The following CELF2 variants were observed in gnomAD, a reference collection of about 807,000 sequenced individuals.
CELF2 encodes CUG triplet repeat RNA-binding protein 2.
Under a neutral mutation model 62.6 loss-of-function variants are expected in CELF2, and 8 were observed. The ratio of observed to expected loss-of-function variants is 0.13; its 90% CI spans 0.07 to 0.23. The LOEUF (loss-of-function observed/expected upper bound fraction) is 0.23. Among genes scored for constraint, CELF2 ranks in the 10% least tolerant of loss-of-function variants. The probability of loss-of-function intolerance (pLI) is 1.00; values close to 1 mark genes in which losing one functional copy is unlikely to be tolerated. For synonymous variants in CELF2, 258 were observed against 250.0 expected (o/e 1.03, Z -0.30); for missense variants, 333 against 671.0 (o/e 0.50, Z 5.56).
chr10:10,793,110 G>C, the CELF2 span, among the ~76,000 whole-genome samples: 1 of 152,174 alleles, frequency 6.6e-6, no homozygotes, highest in Non-Finnish European at 1.5e-5. Context: ...AGGTTTTGTA[G>C]CTGTCTCTTT....
At chr10:11,194,485 A>T (rs1312549720) in intron 2 of CELF2, among the ~76,000 whole-genome samples, 1 of 152,212 alleles carries the variant, frequency 6.6e-6, no homozygotes, top group Admixed American at 6.5e-5. Flanking sequence ...GCATTCATAC[A>T]GTCCCCTAGA....
At chr10:11,168,330 T>C (rs1028111712) in intron 2 of CELF2, among the ~76,000 whole-genome samples, 1 of 152,172 alleles carries the variant, frequency 6.6e-6, no homozygotes, top group Non-Finnish European at 1.5e-5. Context: ...TGAAAGAGCT[T>C]TTGTTATACA....
chr10:10,835,382 G>T (rs1375153898), intron 1 of CELF2, among the ~76,000 whole-genome samples: 3 of 104,748 alleles, frequency 2.9e-5, no homozygotes, highest in African/African-American at 9.2e-5. Context: ...CCAGCAGATT[G>T]ATTTTTTTTT....
At chr10:10,499,489 C>T in the CELF2 span, among the ~76,000 whole-genome samples, 14 of 152,146 alleles carry the variant, frequency 9.2e-5, no homozygotes, top group Non-Finnish European at 1.5e-4. Flanking sequence ...GTTAAGTTCG[C>T]TTAGGAGTTA....
chr10:10,596,867 T>G, the CELF2 span, among the ~76,000 whole-genome samples: 1 of 152,234 alleles, frequency 6.6e-6, no homozygotes, highest in Non-Finnish European at 1.5e-5. Context: ...TTGCTGTGAA[T>G]GGAGACAGAT....
chr10:11,314,866 G>T lies in CELF2; in HGVS notation c.1096+608G>T. On this transcript the variant is annotated intron_variant, in intron 10 of 12. Transcript: ENST00000633077. The surrounding 1 kb of genome is among the most constrained non-coding windows in gnomAD (Gnocchi z 5.3). ...GCCACTGCTGGCAGTGACATGATCA[G>T]AATCTTTATTAAGCACCCACAGGTA... is the stretch of plus-strand genomic sequence containing the variant. 5.7e-6 allele frequency: 1 copy of T among 174,504 alleles called. No homozygotes were observed. The highest frequency in any genetic ancestry group is 1.2e-5 in the Non-Finnish European group (1 of 82,160). The allele number at this position is 174,504 out of a possible 1,614,324, so 10.8% of individuals were successfully genotyped here.
chr10:10,954,223 AT>A, intron 2 of CELF2, among the ~76,000 whole-genome samples: 1 of 72,404 alleles, frequency 1.4e-5, no homozygotes, highest in South Asian at 7.2e-4. Context: ...TATTATTATT[AT>A]TATTATTATT....
chr10:10,645,493 A>G, the CELF2 span, among the ~76,000 whole-genome samples: 2 of 152,066 alleles, frequency 1.3e-5, no homozygotes, highest in African/African-American at 2.4e-5. Flanking sequence ...TCTCTACCAA[A>G]AAATAGAAAA....
intron 1 of CELF2, among the ~76,000 whole-genome samples, chr10:10,821,388 G>A (rs982301017): frequency 2.0e-5 from 3 of 152,226 alleles, no homozygotes; most frequent in African/African-American, 7.2e-5. Context: ...GGCATGGAAA[G>A]GCGAGAGTAC....
chr10:10,783,545 C>A, the CELF2 span, among the ~76,000 whole-genome samples: 1 of 152,188 alleles, frequency 6.6e-6, no homozygotes, highest in Non-Finnish European at 1.5e-5. Flanking sequence ...ATTCTGTTTT[C>A]AAGACACTCA....
In CELF2 at chr10:11,177,542, G is replaced by A. The variant is rs73577448; in HGVS notation, c.271+11860G>A. ...AATTTGTACACTTCCCTGCAGTGCT[G>A]GAAATGGACTTTTCCTTTGCATTTC... On this transcript the variant is annotated intron_variant, in intron 2 of 12. Transcript: ENST00000633077. This position sits in a 1 kb window ranked among gnomAD's most constrained non-coding sequence, Gnocchi z 4.8. 1.8e-3 allele frequency among the ~76,000 whole-genome samples: 273 copies of A among 152,214 alleles called. No individual in the cohort carries two copies. The highest frequency in any genetic ancestry group is 6.3e-3 in the African/African-American group (260 of 41,528).
chr10:10,691,075 A>G, the CELF2 span, among the ~76,000 whole-genome samples: 4 of 151,980 alleles, frequency 2.6e-5, no homozygotes. Context: ...TTACATATGT[A>G]TACATATGCC....
intron 1 of CELF2, among the ~76,000 whole-genome samples, chr10:11,143,220 C>T (rs943586476): frequency 1.3e-5 from 2 of 152,166 alleles, no homozygotes; most frequent in African/African-American, 4.8e-5. Context: ...AATGTTCTTC[C>T]TTATCCCACC....
intron 1 of CELF2, among the ~76,000 whole-genome samples, chr10:10,808,718 C>T (rs192163620): frequency 1.3e-5 from 2 of 152,136 alleles, no homozygotes; most frequent in African/African-American, 4.8e-5. Flanking sequence ...TAATCAGAGA[C>T]ACGGTAAAGA....
the CELF2 span, among the ~76,000 whole-genome samples, chr10:10,508,780 C>A: frequency 6.6e-6 from 1 of 151,448 alleles, no homozygotes; most frequent in Non-Finnish European, 1.5e-5. Context: ...CGGCTCACTG[C>A]AACCTCCGCC....
At chr10:11,144,479 C>T (rs1242736828) in intron 1 of CELF2, among the ~76,000 whole-genome samples, 1 of 151,998 alleles carries the variant, frequency 6.6e-6, no homozygotes, top group African/African-American at 2.4e-5. Flanking sequence ...TTTAACTTGG[C>T]TCTCCCATGC....
chr10:10,988,927 A>C (rs2053130488), intron 2 of CELF2, among the ~76,000 whole-genome samples: 1 of 152,170 alleles, frequency 6.6e-6, no homozygotes, highest in South Asian at 2.1e-4. Flanking sequence ...GTCATTTGCC[A>C]AAAAGATAAA....
chr10:10,847,622 T>G (rs2059100373), intron 1 of CELF2, among the ~76,000 whole-genome samples: 1 of 152,224 alleles, frequency 6.6e-6, no homozygotes, highest in African/African-American at 2.4e-5. Flanking sequence ...TGACTTTCAA[T>G]AGCAAGTTCT....
At chr10:10,626,522 A>C in the CELF2 span, among the ~76,000 whole-genome samples, 1 of 152,220 alleles carries the variant, frequency 6.6e-6, no homozygotes, top group Non-Finnish European at 1.5e-5. Context: ...AAAGAAAAAA[A>C]AAAGATTACA....
Sources: gnomAD v4.1 joint callset for allele counts (sites outside exome capture counted in the v4.1 genomes callset) on GRCh38, gnomAD v4.1.1 for gene constraint, Gnocchi (gnomAD v3.1) non-coding constraint, MANE v1.5 for transcripts, NCBI Gene and HGNC (gene_info 2026-07-23, HGNC 2026-07-21) for gene names.